Variants in CHD2 observed in about 807,000 individuals in gnomAD.
The protein encoded by CHD2 is ATP-dependent chromatin remodeler CHD2.
In CHD2, 28 loss-of-function variants were observed where a neutral mutation model predicts 243.9. That is an observed-to-expected ratio of 0.11 (90% CI 0.09 to 0.16). The LOEUF (loss-of-function observed/expected upper bound fraction) is 0.16, where lower values mean the gene tolerates loss of function less well. Ranked by LOEUF, CHD2 falls within the 10% of genes least tolerant of loss-of-function variation. The pLI, the probability that CHD2 is intolerant of heterozygous loss-of-function variation, is 1.00. For missense variants in CHD2, 1,386 were observed against 2,209.8 expected (o/e 0.63, Z 7.47); for synonymous variants, 775 against 779.0 (o/e 0.99, Z 0.09).
Position 92,993,668 on chromosome 15 carries a change from C to T in CHD2, c.3595+670C>T, listed in dbSNP as rs551621942. On this transcript the variant is annotated intron_variant, in intron 28 of 38. Coordinates refer to ENST00000394196, the MANE Select transcript of CHD2 (RefSeq NM_001271.4). ...TTTAAAGAAACGAAGAGAGGCCAGG[C>T]GCAGTGGCTCACGCCTGTAATCCCA... Among the ~76,000 whole-genome samples the T allele has an allele frequency of 8.1e-5, 12 of 148,732 alleles. No homozygotes were observed. The South Asian group carries it at 1.1e-3, about 14-fold the overall frequency.
chr15:92,904,775 C>T, intron 2 of CHD2: 4 of 1,403,984 alleles, frequency 2.8e-6, no homozygotes, highest in East Asian at 2.6e-5. Flanking sequence ...CGTCCCTTCT[C>T]CCCGCCCCCG....
At position 92,953,875 on chromosome 15, in the gene CHD2, T is replaced by C. The variant is rs28435741; in HGVS notation, c.1719+302T>C. ...TCTAAGATTGCTTTATATGAGATAA[T>C]ATGGAGTTAATACTTTGTGTAATAT... On this transcript the variant is annotated intron_variant, in intron 14 of 38. Transcript: ENST00000394196. 1,588 of 304,046 alleles carry C rather than the reference T, an allele frequency of 5.2e-3. 20 individuals are homozygous for C. The highest frequency in any genetic ancestry group is 0.026 in the African/African-American group (1,210 of 46,800). 18.8% of individuals were successfully genotyped at this position (304,046 alleles called of 1,614,324 possible). A position where few individuals can be genotyped will look rare whatever the true frequency, so the allele number is the denominator to read the frequency against.
chr15:92,975,023 G>A (rs933836587), intron 20 of CHD2, 73 bp downstream of exon 20: 16 of 1,240,536 alleles, frequency 1.3e-5, no homozygotes, highest in Non-Finnish European at 1.9e-5. Flanking sequence ...CTCGCTTAAT[G>A]TATTCTGTTT....
At chr15:92,904,465 C>A (rs542488958) in intron 2 of CHD2, 1 of 989,482 alleles carries the variant, frequency 1.0e-6, no homozygotes, top group African/African-American at 1.7e-5. Flanking sequence ...TTTCTCCTCC[C>A]CCTACCCAGG....
At chr15:93,015,325 C>T (rs1033552512) in intron 37 of CHD2, among the ~76,000 whole-genome samples, 2 of 152,200 alleles carry the variant, frequency 1.3e-5, no homozygotes, top group African/African-American at 4.8e-5. Flanking sequence ...GTGATCTGCC[C>T]ACCTCAGCCT....
chr15:92,917,866 A>G (rs1323308891), intron 2 of CHD2, among the ~76,000 whole-genome samples: 1 of 152,224 alleles, frequency 6.6e-6, no homozygotes, highest in Admixed American at 6.5e-5. Flanking sequence ...GCCTGACACA[A>G]AAGTGCTCCG....
intron 20 of CHD2, 152 bp from the exon 21 acceptor site, chr15:92,978,082 T>C (rs2053933161): frequency 3.6e-6 from 3 of 822,146 alleles, no homozygotes; most frequent in Non-Finnish European, 3.9e-6. Context: ...TACCATCAAG[T>C]CCCTGACATT....
rs986330829 is a variant in CHD2 at position 92,980,672 on chromosome 15, C to T, written c.2877-143C>T. 36 of 609,798 alleles carry T rather than the reference C, an allele frequency of 5.9e-5. 2 individuals carry two copies. Among genetic ancestry groups the T allele is most frequent in the South Asian group, 5.1e-4 (24 of 47,032 alleles). The allele number at this position is 609,798 out of a possible 1,614,324, so 37.8% of individuals were successfully genotyped here. On this transcript the variant is annotated intron_variant, in intron 22 of 38. Transcript: ENST00000394196. ...AGACTCATCCTGTAGATAGAAAATG[C>T]GATGTTTGAGAAATCATTTTTCTTG... is the stretch of plus-strand genomic sequence containing the variant.
At chr15:92,974,692 G>T in intron 19 of CHD2, 187 bp from the exon 20 acceptor site, 1 of 506,142 alleles carries the variant, frequency 2.0e-6, no homozygotes, top group South Asian at 2.2e-5. Context: ...GTCTGTAACT[G>T]GAGAGCTCAG....
chr15:92,924,132 A>G (rs1326377560), intron 2 of CHD2, 189 bp from the exon 3 acceptor site: 1 of 504,578 alleles, frequency 2.0e-6, no homozygotes. Context: ...AAGGGTAGCT[A>G]TTGGGGATTT....
chr15:92,905,588 A>G (rs1025807262), intron 2 of CHD2, among the ~76,000 whole-genome samples: 1 of 152,190 alleles, frequency 6.6e-6, no homozygotes, highest in Non-Finnish European at 1.5e-5. Context: ...GCTTGGGCGT[A>G]TGTCAAGTTT....
intron 13 of CHD2, among the ~76,000 whole-genome samples, chr15:92,952,996 CTA>C (rs2053574162): frequency 6.6e-6 from 1 of 152,230 alleles, no homozygotes; most frequent in African/African-American, 2.4e-5. Context: ...ATAGCTTTCT[CTA>C]TTGATGGAGT....
chr15:93,003,873 C>T (rs1596451577), intron 33 of CHD2, among the ~76,000 whole-genome samples: 1 of 122,534 alleles, frequency 8.2e-6, no homozygotes, highest in East Asian at 2.4e-4. Context: ...CACTTGTAAT[C>T]CCAGCACTTT....
In CHD2 at chr15:92,943,016, G is replaced by A; in HGVS notation, c.1000G>A (p.Gly334Ser). ...EESLQQQKVK[G>S]LKKLENFKKK... ...ATCCTTACAGCAACAGAAAGTGAAG[G>A]GCCTAAAAAAACTAGAGAACTTCAA... The change falls in exon 9 of 39, where the codon GGC becomes AGC. Residue 334 changes from glycine to serine, a missense_variant. Gly to Ser is a moderately conservative substitution (Grantham distance 56, BLOSUM62 0). Transcript: ENST00000394196. 1 of 1,613,714 alleles carries A rather than the reference G, an allele frequency of 6.2e-7. No individual in the cohort carries two copies. The highest frequency in any genetic ancestry group is 8.5e-7 in the Non-Finnish European group (1 of 1,179,914).
chr15:93,012,109 A>G (rs1461339809), intron 35 of CHD2, among the ~76,000 whole-genome samples: 1 of 152,024 alleles, frequency 6.6e-6, no homozygotes, highest in East Asian at 1.9e-4. Flanking sequence ...CATTGATGAG[A>G]AAAAAAATTG....
chr15:92,943,848 T>C (rs192440076), intron 9 of CHD2: 1 of 152,474 alleles, frequency 6.6e-6, no homozygotes, highest in Non-Finnish European at 1.5e-5. Context: ...TGTGCTACTT[T>C]AGTAAATTAC....
intron 9 of CHD2, 90 bp from the exon 10 acceptor site, chr15:92,944,325 T>C (rs2053429278): frequency 3.2e-6 from 2 of 634,678 alleles, no homozygotes; most frequent in East Asian, 5.2e-5. Flanking sequence ...AAAAAATAGG[T>C]TTTCTTTTCC....
At chr15:92,959,574 G>T (rs989955259) in intron 16 of CHD2, among the ~76,000 whole-genome samples, 1 of 152,002 alleles carries the variant, frequency 6.6e-6, no homozygotes, top group African/African-American at 2.4e-5. Flanking sequence ...TCACTGCAAC[G>T]TCTGCCTCCC....
At chr15:92,943,531 TAAAAC>T (rs772094303) in intron 9 of CHD2, 3 of 162,070 alleles carry the variant, frequency 1.9e-5, no homozygotes, top group Non-Finnish European at 4.1e-5. Flanking sequence ...ATGATATACT[TAAAAC>T]AAATTCTGGT....
Sources: gnomAD v4.1 joint callset for allele counts (sites outside exome capture counted in the v4.1 genomes callset) on GRCh38, gnomAD v4.1.1 for gene constraint, MANE v1.5 for transcripts, NCBI Gene and HGNC (gene_info 2026-07-23, HGNC 2026-07-21) for gene names.